UGT1A7: variants seen among roughly 807,000 people sequenced by gnomAD.
The protein encoded by UGT1A7 is UDP glucuronosyltransferase family 1 member A7, also known as UDP-glucuronosyltransferase 1A7.
UGT1A7 carries 33 observed loss-of-function variants against 45.6 expected under a neutral mutation model. The ratio of observed to expected loss-of-function variants is 0.72; its 90% CI spans 0.55 to 0.97. UGT1A7 has a LOEUF of 0.97. UGT1A7 is among the 50% of genes least tolerant of loss of function. UGT1A7 has a pLI of 0.00. For missense variants in UGT1A7, 684 were observed against 666.2 expected, an observed-to-expected ratio of 1.03 and a Z score of -0.29; for synonymous variants, 274 against 250.6, an observed-to-expected ratio of 1.09 and a Z score of -0.88.
intron 1 of UGT1A7, among the ~76,000 whole-genome samples, chr2:233,742,171 A>G (rs758194375): frequency 2.0e-5 from 3 of 151,946 alleles, no homozygotes; most frequent in Non-Finnish European, 2.9e-5. Context: ...CACACACAGA[A>G]ATATAGAGTG....
Position 233,739,281 on chromosome 2 carries a change from G to C in UGT1A7, c.856-27753G>C, listed in dbSNP as rs576910081. Among the ~76,000 whole-genome samples the C allele has an allele frequency of 5.3e-5, 8 of 152,344 alleles. 1 individual carries two copies. The South Asian group carries it at 1.7e-3, about 32-fold the overall frequency. On this transcript the variant is annotated intron_variant, in intron 1 of 4. Transcript: ENST00000373426. ...AATGTGAGGTTGGAGCCCCCACACA[G>C]AGTCTCCACTGGGGCACTGCCTAGT...
chr2:233,693,893 C>T (rs756262106), intron 1 of UGT1A7: 2 of 1,613,868 alleles, frequency 1.2e-6, no homozygotes, highest in East Asian at 2.2e-5. Flanking sequence ...TTTTGGACTG[C>T]CTTGTTTCTT....
At chr2:233,760,764 C>G (rs199766420) in intron 1 of UGT1A7, 1 of 1,614,088 alleles carries the variant, frequency 6.2e-7, no homozygotes, top group Non-Finnish European at 8.5e-7. Flanking sequence ...GCAGCCCCAT[C>G]GTGGCCCAGT....
intron 1 of UGT1A7, among the ~76,000 whole-genome samples, chr2:233,711,778 T>G (rs1300616599): frequency 3.9e-5 from 6 of 152,154 alleles, no homozygotes; most frequent in Admixed American, 3.9e-4. Flanking sequence ...AGATAGAAAG[T>G]GTGCACAGCC....
Position 233,682,202 on chromosome 2 carries a change from G to C in UGT1A7, c.265G>C (p.Glu89Gln), listed in dbSNP as rs547107317. ...ATACACTCTGGAGGATCAGGACCGG[G>C]AGTTCATGGTTTTTGCCGATGCTCG... is the stretch of plus-strand genomic sequence containing the variant. The part of the protein sequence containing the change: ...TSYTLEDQDR[E>Q]FMVFADARWT... The change falls in exon 1 of 5, where the codon GAG (glutamate) becomes CAG (glutamine). Residue 89 changes from glutamate (E) to glutamine (Q), a missense_variant. Coordinates refer to ENST00000373426, the MANE Select transcript of UGT1A7 (RefSeq NM_019077.3). The C allele has an allele frequency of 3.7e-6, 6 of 1,614,244 alleles. No homozygotes were observed. The highest frequency in any genetic ancestry group is 5.1e-6 in the Non-Finnish European group (6 of 1,180,032).
In UGT1A7 at chr2:233,769,637, G is replaced by T; in HGVS notation, c.1295+1198G>T. On this transcript the variant is annotated intron_variant, in intron 4 of 4. Transcript: ENST00000373426. The surrounding 1 kb of genome is among the most constrained non-coding windows in gnomAD (Gnocchi z 4.4). ...GCTTGAGCAAGGGACAACAGGGGAG[G>T]ACTGATGACTGACTTCCCACCTTTG... is the stretch of plus-strand genomic sequence containing the variant. The T allele has an allele frequency of 1.2e-6, 2 of 1,610,100 alleles. No homozygotes were observed. The highest frequency in any genetic ancestry group is 2.2e-5 in the South Asian group (2 of 90,570).
intron 1 of UGT1A7, chr2:233,729,609 G>C: frequency 6.2e-7 from 1 of 1,613,988 alleles, no homozygotes. Flanking sequence ...CGGCAGTGCT[G>C]GCTAAGTACC....
chr2:233,741,193 A>G (rs1392920189), intron 1 of UGT1A7, among the ~76,000 whole-genome samples: 1 of 151,910 alleles, frequency 6.6e-6, no homozygotes, highest in Non-Finnish European at 1.5e-5. Flanking sequence ...TTTGCTTTCA[A>G]CTGTTAAAAC....
At chr2:233,729,915 G>A in intron 1 of UGT1A7, 3 of 1,613,956 alleles carry the variant, frequency 1.9e-6, no homozygotes, top group Middle Eastern at 3.3e-4. Context: ...ACTTTGTGAT[G>A]GACTACCCCA....
intron 1 of UGT1A7, among the ~76,000 whole-genome samples, chr2:233,700,725 T>A (rs1022993283): frequency 6.6e-6 from 1 of 152,160 alleles, no homozygotes; most frequent in Non-Finnish European, 1.5e-5. Flanking sequence ...TTTTTAAAAA[T>A]TTTATTATTA....
At chr2:233,747,470 G>C in intron 1 of UGT1A7, 4 of 1,608,766 alleles carry the variant, frequency 2.5e-6, no homozygotes, top group Non-Finnish European at 3.4e-6. Context: ...CATGGACCCA[G>C]GATGAATTTG....
At chr2:233,732,018 C>A (rs1393703380) in intron 1 of UGT1A7, among the ~76,000 whole-genome samples, 1 of 152,210 alleles carries the variant, frequency 6.6e-6, no homozygotes, top group East Asian at 1.9e-4. Context: ...TTTTGATTTG[C>A]ATTTCTCTGA....
chr2:233,693,423 A>G (rs769066377), intron 1 of UGT1A7: 10 of 1,614,114 alleles, frequency 6.2e-6, no homozygotes, highest in Non-Finnish European at 8.5e-6. Flanking sequence ...AACTTCTTTA[A>G]GGAGAGCAAG....
In UGT1A7 at chr2:233,767,853, T is replaced by C; in HGVS notation, c.992T>C (p.Leu331Pro). 1.2e-6 allele frequency: 2 copies of C among 1,614,210 alleles called. No individual in the cohort carries two copies. The highest frequency in any genetic ancestry group is 1.1e-5 in the South Asian group (1 of 91,084). Residue 331 changes from leucine (L) to proline (P), a missense_variant, in exon 3 of 5, where the codon CTG becomes CCG. By Grantham distance (98) the Leu-to-Pro change is moderately conservative. Transcript: ENST00000373426. The part of the protein sequence containing the change: ...DALGKIPQTV[L>P]WRYTGTRPSN... ...TGCTCTTTTTGCCCCTCCCAGGTCC[T>C]GTGGCGGTACACTGGAACCCGACCA...
chr2:233,720,745 G>A (rs12463910), intron 1 of UGT1A7, among the ~76,000 whole-genome samples: 11,915 of 147,388 alleles, frequency 0.081, 607 homozygotes, highest in East Asian at 0.21. Context: ...TCGTTCTGTC[G>A]CCCAGGCTGG....
At chr2:233,744,211 G>A (rs1692734898) in intron 1 of UGT1A7, among the ~76,000 whole-genome samples, 1 of 151,828 alleles carries the variant, frequency 6.6e-6, no homozygotes, top group African/African-American at 2.4e-5. Context: ...GGGAAAAAGA[G>A]GTTGGGGAAA....
At chr2:233,722,496 C>T (rs1266204895) in intron 1 of UGT1A7, among the ~76,000 whole-genome samples, 2 of 152,048 alleles carry the variant, frequency 1.3e-5, no homozygotes, top group African/African-American at 4.8e-5. Context: ...TTTCATTTTC[C>T]GTTTCGTTAA....
intron 1 of UGT1A7, among the ~76,000 whole-genome samples, chr2:233,736,037 C>T (rs2078722692): frequency 6.6e-6 from 1 of 152,038 alleles, no homozygotes; most frequent in African/African-American, 2.4e-5. Flanking sequence ...TCTGTATTTC[C>T]TGAATTTGAA....
At chr2:233,758,753 G>A (rs1048074282) in intron 1 of UGT1A7, among the ~76,000 whole-genome samples, 17 of 152,318 alleles carry the variant, frequency 1.1e-4, no homozygotes, top group Middle Eastern at 6.8e-3. Flanking sequence ...GCTGGCCAGT[G>A]ATGTGTATGG....
Sources: gnomAD v4.1 joint callset for allele counts (sites outside exome capture counted in the v4.1 genomes callset) on GRCh38, gnomAD v4.1.1 for gene constraint, Gnocchi (gnomAD v3.1) non-coding constraint, MANE v1.5 for transcripts, NCBI Gene and HGNC (gene_info 2026-07-23, HGNC 2026-07-21) for gene names.